The following GPC6 variants were observed in gnomAD, a reference collection of about 807,000 sequenced individuals.
GPC6 encodes the protein glypican 6.
GPC6 carries 14 observed loss-of-function variants against 55.2 expected under a neutral mutation model. The observed-to-expected ratio is 0.25, with a 90% confidence interval of 0.17 to 0.40. GPC6 has a LOEUF of 0.40. Among genes scored for constraint, GPC6 ranks in the 10% least tolerant of loss-of-function variants. The pLI is 1.00. For synonymous variants in GPC6, 278 were observed against 259.6 expected (o/e 1.07, Z -0.68); for missense variants, 641 against 708.5 (o/e 0.90, Z 1.08).
At chr13:94,340,765 G>A (rs1011633508) in intron 6 of GPC6, among the ~76,000 whole-genome samples, 11 of 127,430 alleles carry the variant, frequency 8.6e-5, no homozygotes, top group East Asian at 2.4e-4. Flanking sequence ...AAGAACACTC[G>A]TTTCTTTTCG....
intron 2 of GPC6, among the ~76,000 whole-genome samples, chr13:93,714,445 A>G (rs1420657581): frequency 2.6e-5 from 4 of 151,796 alleles, no homozygotes; most frequent in African/African-American, 9.7e-5. Context: ...AGATGCTGGC[A>G]TGGCTGCAGA....
intron 1 of GPC6, among the ~76,000 whole-genome samples, chr13:93,248,292 T>G (rs1393535535): frequency 6.6e-6 from 1 of 152,122 alleles, no homozygotes; most frequent in Non-Finnish European, 1.5e-5. Flanking sequence ...AAATGAGTTT[T>G]AACCTTTCTA....
In GPC6 at chr13:93,676,028, T is replaced by TGGGA. The variant is rs1183315799; in HGVS notation, c.319+130610_319+130613dup. ...GCTCATGCCTGTAATCACAGCACTT[T>TGGGA]GGGAGGCCAAGGCAGGTGGATCACC... On this transcript the variant is annotated intron_variant, in intron 2 of 8. Transcript: ENST00000377047. Among the ~76,000 whole-genome samples the TGGGA allele has an allele frequency of 2.0e-5, 3 of 149,948 alleles. 1 individual carries two copies. Among genetic ancestry groups the TGGGA allele is most frequent in the African/African-American group, 2.5e-5 (1 of 40,224 alleles).
intron 1 of GPC6, among the ~76,000 whole-genome samples, chr13:93,266,297 A>T (rs1225397239): frequency 2.0e-5 from 3 of 152,202 alleles, no homozygotes; most frequent in African/African-American, 7.2e-5. Context: ...ATGCTAAAAC[A>T]ATCTCTTACA....
intron 2 of GPC6, among the ~76,000 whole-genome samples, chr13:93,687,564 C>T (rs1269962190): frequency 6.6e-6 from 1 of 152,014 alleles, no homozygotes; most frequent in Non-Finnish European, 1.5e-5. Context: ...CTGCTAGAGC[C>T]ATTTCTTATT....
At chr13:93,467,575 CTTTTTT>C (rs11426472) in intron 1 of GPC6, among the ~76,000 whole-genome samples, 31 of 74,022 alleles carry the variant, frequency 4.2e-4, no homozygotes, top group South Asian at 3.6e-3. Context: ...AGCTGTGATT[CTTTTTT>C]TTTTTTTTTT....
chr13:93,933,115 T>G (rs765195071), intron 3 of GPC6, among the ~76,000 whole-genome samples: 3 of 151,776 alleles, frequency 2.0e-5, no homozygotes, highest in Non-Finnish European at 2.9e-5. Context: ...TTGTCGTATC[T>G]CCTACTAGAA....
chr13:93,562,789 G>A (rs904990376), intron 2 of GPC6, among the ~76,000 whole-genome samples: 6 of 151,978 alleles, frequency 3.9e-5, no homozygotes, highest in African/African-American at 1.4e-4. Context: ...GGTGCTTTAC[G>A]TGTGTTATCC....
At chr13:93,415,669 C>A (rs1876671906) in intron 1 of GPC6, among the ~76,000 whole-genome samples, 1 of 151,996 alleles carries the variant, frequency 6.6e-6, no homozygotes, top group Non-Finnish European at 1.5e-5. Flanking sequence ...GCTGTTTGTT[C>A]TGCTTTTTAA....
chr13:94,319,598 C>G (rs1876713771), intron 6 of GPC6, among the ~76,000 whole-genome samples: 1 of 152,144 alleles, frequency 6.6e-6, no homozygotes, highest in Admixed American at 6.5e-5. Context: ...TTTTCCTTTA[C>G]TGAGAGTTTT....
chr13:94,329,056 G>A (rs907086210), intron 6 of GPC6, among the ~76,000 whole-genome samples: 1 of 152,222 alleles, frequency 6.6e-6, no homozygotes, highest in African/African-American at 2.4e-5. Flanking sequence ...GAGTTGGTGA[G>A]ATACTTCCCA....
At chr13:93,870,561 T>G (rs544936706) in intron 3 of GPC6, among the ~76,000 whole-genome samples, 1 of 151,878 alleles carries the variant, frequency 6.6e-6, no homozygotes, top group Admixed American at 6.6e-5. Flanking sequence ...ACCCCTAAAT[T>G]CATATGTTGA....
intron 3 of GPC6, among the ~76,000 whole-genome samples, chr13:93,898,819 G>T (rs1876167618): frequency 6.6e-6 from 1 of 151,610 alleles, no homozygotes; most frequent in South Asian, 2.1e-4. Context: ...GGCAAGCCCA[G>T]GTGAGCCCCA....
intron 6 of GPC6, among the ~76,000 whole-genome samples, chr13:94,329,343 G>A (rs930226171): frequency 2.6e-5 from 4 of 152,072 alleles, no homozygotes; most frequent in South Asian, 2.1e-4. Context: ...AGGGCCCACC[G>A]CACCCTGGGC....
chr13:93,500,040 G>A (rs925094656), intron 1 of GPC6, among the ~76,000 whole-genome samples: 1 of 152,170 alleles, frequency 6.6e-6, no homozygotes, highest in Non-Finnish European at 1.5e-5. Context: ...ACTCTTCAGT[G>A]CTTACAGCAC....
At chr13:93,917,484 A>G (rs1877349664) in intron 3 of GPC6, among the ~76,000 whole-genome samples, 1 of 152,204 alleles carries the variant, frequency 6.6e-6, no homozygotes, top group Non-Finnish European at 1.5e-5. Context: ...AAGCTGGTAA[A>G]GAGAATTCAC....
At chr13:94,077,509 G>A (rs115046684) in intron 4 of GPC6, among the ~76,000 whole-genome samples, 75 of 151,600 alleles carry the variant, frequency 4.9e-4, no homozygotes, top group African/African-American at 1.5e-3. Flanking sequence ...CTAGTACTGC[G>A]TTTAAGATAA....
At chr13:94,152,934 A>T (rs835973) in intron 4 of GPC6, among the ~76,000 whole-genome samples, 145,428 of 152,258 alleles carry the variant, frequency 0.96, 69,756 homozygotes, top group South Asian at 1. Context: ...GAAATCTATA[A>T]GATTTGTAAA....
chr13:93,867,656 G>T (rs966787138), intron 3 of GPC6, among the ~76,000 whole-genome samples: 7 of 151,632 alleles, frequency 4.6e-5, no homozygotes, highest in African/African-American at 1.7e-4. Context: ...AGCCTTGACC[G>T]CTGACATCAC....
Sources: allele counts gnomAD v4.1 joint callset (sites outside exome capture counted in the v4.1 genomes callset), GRCh38; gene constraint gnomAD v4.1.1; transcripts MANE v1.5; gene names NCBI Gene and HGNC (gene_info 2026-07-23, HGNC 2026-07-21).